Variants in SMARCA2 observed in about 807,000 individuals in gnomAD.
SMARCA2 encodes the protein SWI/SNF related BAF chromatin remodeling complex subunit ATPase 2, also known as SWI/SNF-related matrix-associated actin-dependent regulator of chromatin subfamily A member 2.
Under a neutral mutation model 199.8 loss-of-function variants are expected in SMARCA2, and 61 were observed. That is an observed-to-expected ratio of 0.31 (90% CI 0.25 to 0.38). The LOEUF is 0.38. SMARCA2 is among the 10% of genes least tolerant of loss of function. The pLI, the probability that SMARCA2 is intolerant of heterozygous loss-of-function variation, is 1.00. For synonymous variants in SMARCA2, 935 were observed against 732.0 expected (o/e 1.28, Z -4.48); for missense variants, 1,344 against 2,012.2 (o/e 0.67, Z 6.35).
At chr9:2,125,916 C>T (rs1823671295) in intron 27 of SMARCA2, among the ~76,000 whole-genome samples, 1 of 152,198 alleles carries the variant, frequency 6.6e-6, no homozygotes, top group African/African-American at 2.4e-5. Context: ...GGGAATTGCC[C>T]TGAAGAAAAA....
chr9:2,050,555 C>T (rs530554000), intron 5 of SMARCA2, among the ~76,000 whole-genome samples: 31 of 151,986 alleles, frequency 2.0e-4, no homozygotes, highest in Non-Finnish European at 2.9e-4. Flanking sequence ...GGAATAAAGT[C>T]AGACTTTAGT....
chr9:2,051,462 C>G (rs771674378), intron 5 of SMARCA2, among the ~76,000 whole-genome samples: 2 of 152,196 alleles, frequency 1.3e-5, no homozygotes, highest in African/African-American at 2.4e-5. Context: ...TCCCACCCCC[C>G]ATCTCCTCAT....
chr9:2,066,578 A>C (rs1447067245), intron 9 of SMARCA2, among the ~76,000 whole-genome samples: 1 of 152,176 alleles, frequency 6.6e-6, no homozygotes, highest in African/African-American at 2.4e-5. Flanking sequence ...GTCCCCTTAC[A>C]TGATTAGGTT....
At chr9:2,150,704 A>G (rs532328532) in intron 27 of SMARCA2, among the ~76,000 whole-genome samples, 1 of 151,770 alleles carries the variant, frequency 6.6e-6, no homozygotes, top group South Asian at 2.1e-4. Flanking sequence ...TGCTAGGACT[A>G]CCATTATAAA....
chr9:2,055,539 G>A (rs1321154598), intron 6 of SMARCA2: 1 of 152,226 alleles, frequency 6.6e-6, no homozygotes, highest in Non-Finnish European at 1.5e-5. Flanking sequence ...AATAATTAAT[G>A]AGTCAAAGTA....
chr9:2,042,250 G>A (rs185755412), intron 4 of SMARCA2: 2 of 152,178 alleles, frequency 1.3e-5, no homozygotes, highest in East Asian at 1.9e-4. Context: ...GTAGAGGCCA[G>A]CTGGTAACTA....
At chr9:2,167,460 A>G (rs1825990865) in intron 28 of SMARCA2, among the ~76,000 whole-genome samples, 1 of 152,230 alleles carries the variant, frequency 6.6e-6, no homozygotes, top group African/African-American at 2.4e-5. Flanking sequence ...CATCAGGTCT[A>G]GCCTTGAAGA....
intron 22 of SMARCA2, among the ~76,000 whole-genome samples, chr9:2,102,159 G>GTGTGTGTA (rs1033365107): frequency 6.8e-6 from 1 of 148,140 alleles, no homozygotes; most frequent in African/African-American, 2.5e-5. Flanking sequence ...GTGTGTGTGT[G>GTGTGTGTA]TGTGTGGTGT....
chr9:2,185,956 G>A, intron 31 of SMARCA2, 140 bp from the exon 32 acceptor site: 1 of 796,160 alleles, frequency 1.3e-6, no homozygotes, highest in Non-Finnish European at 2.0e-6. Context: ...TTGCTACTGG[G>A]TTTTCATGTG....
chr9:2,148,919 G>A (rs1824902277), intron 27 of SMARCA2, among the ~76,000 whole-genome samples: 1 of 151,458 alleles, frequency 6.6e-6, no homozygotes, highest in Admixed American at 6.6e-5. Flanking sequence ...CTCCTTCTCT[G>A]CCACCAACTC....
chr9:2,180,244 T>G (rs968718514), intron 29 of SMARCA2, among the ~76,000 whole-genome samples: 3 of 152,028 alleles, frequency 2.0e-5, no homozygotes, highest in Non-Finnish European at 2.9e-5. Context: ...ATTAAAAAAA[T>G]AAAACAAAAA....
intron 9 of SMARCA2, among the ~76,000 whole-genome samples, chr9:2,068,440 G>T (rs1339521398): frequency 6.6e-6 from 1 of 152,078 alleles, no homozygotes; most frequent in African/African-American, 2.4e-5. Context: ...AAATTGCATT[G>T]TAAAGGAACT....
chr9:2,056,683 G>T lies in SMARCA2; in HGVS notation c.1185G>T (p.Glu395Asp), dbSNP rs751814191. 1.2e-6 allele frequency: 2 copies of T among 1,613,654 alleles called. No homozygotes were observed. The highest frequency in any genetic ancestry group is 3.3e-5 in the Admixed American group (2 of 59,894). Residue 395 changes from glutamate to aspartate, a missense_variant, in exon 7 of 34, where the codon GAG becomes GAT. Around this residue, in one of 18 missense-constraint regions of SMARCA2, gnomAD observed 155 missense variants for 260.0 expected, o/e 0.60. Coordinates refer to ENST00000349721, the MANE Select transcript of SMARCA2 (RefSeq NM_003070.5). This position sits in a 1 kb window ranked among gnomAD's most constrained non-coding sequence, Gnocchi z 4.0. ...LLNFQRQLRQ[E>D]VVACMRRDTT... ...TCTCTTCTTGACAGCTGAGACAGGAGGTGGTGGCCTGCATGCGCAGGGACA... is the reference window on the plus strand; with the variant it reads ...TCTCTTCTTGACAGCTGAGACAGGATGTGGTGGCCTGCATGCGCAGGGACA...
chr9:2,059,735 G>T (rs1441105078), intron 8 of SMARCA2, among the ~76,000 whole-genome samples: 1 of 152,170 alleles, frequency 6.6e-6, no homozygotes, highest in African/African-American at 2.4e-5. Flanking sequence ...CCACAGGGCA[G>T]ACGGCAGCTA....
In SMARCA2 at chr9:2,047,345, C is replaced by T; in HGVS notation, c.907C>T (p.Pro303Ser). ...CGCGCAGCCGCCCGCGGCCGCAGTG[C>T]CCGGGCCCTCAGTGCCGCAGCCGGC... The part of the protein sequence containing the change: ...AAAQPPAAAV[P>S]GPSVPQPAPG... The change falls in exon 5 of 34, where the codon CCC (proline) becomes TCC (serine). Residue 303 changes from proline to serine, a missense_variant. Pro to Ser is a moderately conservative substitution (Grantham distance 74). Around this residue, in one of 18 missense-constraint regions of SMARCA2, gnomAD observed 117 missense variants for 99.1 expected, o/e 1.18. Coordinates refer to ENST00000349721, the MANE Select transcript of SMARCA2 (RefSeq NM_003070.5). 1 of 1,415,454 alleles carries T rather than the reference C, an allele frequency of 7.1e-7. No individual in the cohort carries two copies. The highest frequency in any genetic ancestry group is 9.3e-7 in the Non-Finnish European group (1 of 1,073,484). 87.7% of individuals were successfully genotyped at this position (1,415,454 alleles called of 1,614,324 possible).
At chr9:2,121,658 G>C (rs10738584) in intron 26 of SMARCA2, among the ~76,000 whole-genome samples, 33,555 of 152,046 alleles carry the variant, frequency 0.22, 4,483 homozygotes, top group East Asian at 0.46. Flanking sequence ...CTTATTATTT[G>C]ATTTTGTATC....
At chr9:2,160,763 A>G (rs1342280251) in intron 27 of SMARCA2, 3 of 412,090 alleles carry the variant, frequency 7.3e-6, no homozygotes, top group African/African-American at 2.0e-5. Context: ...AACGTAATTT[A>G]AAGATCTTTT....
intron 27 of SMARCA2, among the ~76,000 whole-genome samples, chr9:2,143,508 A>T (rs1824564221): frequency 1.3e-5 from 2 of 152,170 alleles, no homozygotes; most frequent in Admixed American, 1.3e-4. Context: ...GGCAGGGAAA[A>T]CCCATAAGGG....
chr9:2,029,689 C>G (rs1264498186), intron 2 of SMARCA2, among the ~76,000 whole-genome samples: 1 of 152,180 alleles, frequency 6.6e-6, no homozygotes, highest in Non-Finnish European at 1.5e-5. Flanking sequence ...AAGTCCTTAT[C>G]TAAAGGATTT....
Sources: gnomAD v4.1 joint callset for allele counts (sites outside exome capture counted in the v4.1 genomes callset) on GRCh38, gnomAD v4.1.1 for gene constraint, gnomAD v4.1.1 regional missense constraint, Gnocchi (gnomAD v3.1) non-coding constraint, MANE v1.5 for transcripts, NCBI Gene and HGNC (gene_info 2026-07-23, HGNC 2026-07-21) for gene names.